The following GAB1 variants were observed in gnomAD, a reference collection of about 807,000 sequenced individuals.
The protein encoded by GAB1 is GRB2 associated binding protein 1.
GAB1 carries 19 observed loss-of-function variants against 66.5 expected under a neutral mutation model. That is an observed-to-expected ratio of 0.29 (90% CI 0.20 to 0.42). The LOEUF (loss-of-function observed/expected upper bound fraction) is 0.42, where lower values mean the gene tolerates loss of function less well. Ranked by LOEUF, GAB1 falls within the 10% of genes least tolerant of loss-of-function variation. The pLI is 1.00. For synonymous variants in GAB1, 294 were observed against 301.4 expected (o/e 0.98, Z 0.25); for missense variants, 732 against 858.5 (o/e 0.85, Z 1.84).
chr4:143,432,873 C>T (rs1733732516), intron 2 of GAB1, among the ~76,000 whole-genome samples: 1 of 152,118 alleles, frequency 6.6e-6, no homozygotes, highest in Admixed American at 6.5e-5. Context: ...CATGAAAATA[C>T]TACAAAAATC....
intron 3 of GAB1, among the ~76,000 whole-genome samples, chr4:143,437,291 C>T (rs533552637): frequency 2.8e-4 from 42 of 152,122 alleles, no homozygotes; most frequent in Non-Finnish European, 5.9e-5. Context: ...GTCGTATACC[C>T]AAATTTTGTG....
chr4:143,398,911 A>G lies in GAB1; in HGVS notation c.73-16566A>G, dbSNP rs541288660. Among the ~76,000 whole-genome samples, 8 of 152,052 alleles carry G rather than the reference A, an allele frequency of 5.3e-5. No homozygotes were observed. The South Asian group carries it at 1.7e-3, about 32-fold the overall frequency. ...CTCATCTTTACAAGAAAAAAAAAGT[A>G]AGTAAGTAAAATGGGCAGTTGGTTT... is the stretch of plus-strand genomic sequence containing the variant. On this transcript the variant is annotated intron_variant, in intron 1 of 9. Transcript: ENST00000262994.
At chr4:143,434,758 T>TTCCCTGCCCCCAC (rs1170973323) in intron 3 of GAB1, among the ~76,000 whole-genome samples, 1 of 152,174 alleles carries the variant, frequency 6.6e-6, no homozygotes, top group Non-Finnish European at 1.5e-5. Context: ...TACCATCTCC[T>TTCCCTGCCCCCAC]TCCCTGCCCC....
At chr4:143,402,606 A>C (rs1306809069) in intron 1 of GAB1, among the ~76,000 whole-genome samples, 4 of 152,198 alleles carry the variant, frequency 2.6e-5, no homozygotes, top group Non-Finnish European at 5.9e-5. Flanking sequence ...GTCCCATCAC[A>C]AAGGGTTGGA....
chr4:143,440,960 A>T (rs1328812645), intron 6 of GAB1, among the ~76,000 whole-genome samples: 2 of 152,178 alleles, frequency 1.3e-5, no homozygotes, highest in African/African-American at 2.4e-5. Flanking sequence ...CAGACTTAAG[A>T]TTATTAATGT....
At chr4:143,347,613 A>T (rs1729032153) in intron 1 of GAB1, among the ~76,000 whole-genome samples, 1 of 152,250 alleles carries the variant, frequency 6.6e-6, no homozygotes, top group African/African-American at 2.4e-5. Flanking sequence ...AATGCAAAAG[A>T]AGAGGACCAA....
intron 1 of GAB1, chr4:143,394,933 C>CA (rs1456777894): frequency 6.6e-6 from 1 of 152,102 alleles, no homozygotes; most frequent in Non-Finnish European, 1.5e-5. Context: ...AGTAAAGCTG[C>CA]ACATTGATTA....
At chr4:143,367,719 GTTTTTTTTT>G (rs71588248) in intron 1 of GAB1, among the ~76,000 whole-genome samples, 3 of 94,656 alleles carry the variant, frequency 3.2e-5, no homozygotes, top group African/African-American at 1.3e-4. Flanking sequence ...TCAGATGAGG[GTTTTTTTTT>G]TTTTTTTTTT....
At chr4:143,382,898 T>C (rs980541142) in intron 1 of GAB1, among the ~76,000 whole-genome samples, 1 of 152,186 alleles carries the variant, frequency 6.6e-6, no homozygotes, top group Non-Finnish European at 1.5e-5. Context: ...TGTTCCCTAA[T>C]CGTGAGGATT....
intron 1 of GAB1, among the ~76,000 whole-genome samples, chr4:143,374,638 G>A (rs1371066542): frequency 6.6e-6 from 1 of 152,116 alleles, no homozygotes; most frequent in Non-Finnish European, 1.5e-5. Context: ...GCTATCACAG[G>A]GTTCACATGG....
intron 1 of GAB1, among the ~76,000 whole-genome samples, chr4:143,386,395 T>C (rs1252670193): frequency 6.6e-6 from 1 of 152,140 alleles, no homozygotes; most frequent in African/African-American, 2.4e-5. Context: ...AAATAATATT[T>C]TTTATTTTTA....
chr4:143,364,285 C>A (rs553211166), intron 1 of GAB1, among the ~76,000 whole-genome samples: 3 of 151,840 alleles, frequency 2.0e-5, no homozygotes, highest in Admixed American at 2.0e-4. Flanking sequence ...TTCCTTCCTA[C>A]GTGCATGGGC....
Position 143,368,960 on chromosome 4 carries a change from GA to G in GAB1, c.72+31701del, listed in dbSNP as rs201982163. Among the ~76,000 whole-genome samples the G allele has an allele frequency of 4.8e-3, 726 of 151,604 alleles. 3 individuals carry two copies. Among genetic ancestry groups the G allele is most frequent in the African/African-American group, 0.017 (689 of 41,296 alleles). On this transcript the variant is annotated intron_variant, in intron 1 of 9. Coordinates refer to ENST00000262994, the MANE Select transcript of GAB1 (RefSeq NM_002039.4). ...TCACCACACCCGGCCAATTTTTTGA[GA>G]TGGAGTCTTGCTCTGTTGCCCAGGC...
At chr4:143,454,592 A>C (rs960283773) in intron 6 of GAB1, among the ~76,000 whole-genome samples, 5 of 152,148 alleles carry the variant, frequency 3.3e-5, no homozygotes, top group Non-Finnish European at 7.4e-5. Context: ...GAGTCATGGC[A>C]AGTCATTTCA....
chr4:143,393,230 T>TA lies in GAB1; in HGVS notation c.73-22234dup, dbSNP rs35271599. ...TCACATTTACAAAGGTTTTTTTTTT[T>TA]AAAAAAAAAAAAAGAAAAAAAAAGA... is the stretch of plus-strand genomic sequence containing the variant. On this transcript the variant is annotated intron_variant, in intron 1 of 9. Coordinates refer to ENST00000262994, the MANE Select transcript of GAB1 (RefSeq NM_002039.4). 2.9e-3 allele frequency among the ~76,000 whole-genome samples: 386 copies of TA among 133,590 alleles called. 2 individuals carry two copies. The highest frequency in any genetic ancestry group is 0.011 in the East Asian group (51 of 4,738). 87.6% of individuals were successfully genotyped at this position (133,590 alleles called of 152,430 possible).
At chr4:143,369,199 C>G (rs896149206) in intron 1 of GAB1, among the ~76,000 whole-genome samples, 1 of 152,092 alleles carries the variant, frequency 6.6e-6, no homozygotes, top group African/African-American at 2.4e-5. Flanking sequence ...CCTTGGCCTC[C>G]CGGAGTGCTG....
At chr4:143,390,239 C>G (rs1731117505) in intron 1 of GAB1, among the ~76,000 whole-genome samples, 2 of 151,984 alleles carry the variant, frequency 1.3e-5, no homozygotes, top group African/African-American at 4.8e-5. Context: ...GAGTTTAACA[C>G]AAATTTAGGT....
chr4:143,389,887 C>G (rs1443562369), intron 1 of GAB1, among the ~76,000 whole-genome samples: 1 of 152,184 alleles, frequency 6.6e-6, no homozygotes, highest in East Asian at 1.9e-4. Flanking sequence ...CCCTTCCTCA[C>G]TTGACTCTGC....
chr4:143,440,537 T>C (rs1217595994), intron 6 of GAB1, among the ~76,000 whole-genome samples, 155 bp downstream of exon 6: 2 of 152,212 alleles, frequency 1.3e-5, no homozygotes, highest in African/African-American at 4.8e-5. Context: ...AGTACTGCCA[T>C]TTATAAATTA....
Sources: allele counts gnomAD v4.1 joint callset (sites outside exome capture counted in the v4.1 genomes callset), GRCh38; gene constraint gnomAD v4.1.1; transcripts MANE v1.5; gene names NCBI Gene and HGNC (gene_info 2026-07-23, HGNC 2026-07-21).